The following PPP2CA variants were observed in gnomAD, a reference collection of about 807,000 sequenced individuals.
PPP2CA encodes serine/threonine-protein phosphatase 2A catalytic subunit alpha isoform.
PPP2CA carries 5 observed loss-of-function variants against 38.8 expected under a neutral mutation model. The observed-to-expected ratio is 0.13, with a 90% CI of 0.07 to 0.27. PPP2CA has a LOEUF of 0.27. PPP2CA is among the 10% of genes least tolerant of loss of function. PPP2CA has a pLI of 1.00. For synonymous variants in PPP2CA, 152 were observed against 134.0 expected, an observed-to-expected ratio of 1.13 and a Z score of -0.93; for missense variants, 88 against 389.7, an observed-to-expected ratio of 0.23 and a Z score of 6.52.
At chr5:134,205,869 C>G (rs756246652) in intron 2 of PPP2CA, 53 bp downstream of exon 2, 36 of 1,492,886 alleles carry the variant, frequency 2.4e-5, no homozygotes, top group Middle Eastern at 1.8e-4. Context: ...AAAAAACTTT[C>G]AAGAGGACTG....
Position 134,225,651 on chromosome 5 carries a change from C to T in PPP2CA, c.102+109G>A, listed in dbSNP as rs916577342. ...AGGATGGGCGCCGGTCTCGGAGACT[C>T]GGGGGGCCCGGACCGGCGGCCTCCG... On this transcript the variant is annotated intron_variant, in intron 1 of 6. Coordinates refer to ENST00000481195, the MANE Select transcript of PPP2CA (RefSeq NM_002715.4). 6.9e-5 allele frequency: 66 copies of T among 960,444 alleles called. No individual in the cohort carries two copies. In the African/African-American group the frequency reaches 8.5e-4, roughly 12 times the overall value. The allele number at this position is 960,444 out of a possible 1,614,324, so 59.5% of individuals were successfully genotyped here. A position where few individuals can be genotyped will look rare whatever the true frequency, so the allele number is the denominator to read the frequency against.
chr5:134,194,931 A>G lies in PPP2CA; in HGVS notation c.*2841T>C, dbSNP rs1761816514. The stretch of plus-strand genomic sequence containing the variant: ...CTGTTTTTAACCCTAGATGTAAATT[A>G]GAATCACTTGGGAAACTTAAAAAAT... On this transcript the variant is annotated 3_prime_UTR_variant, in exon 7 of 7. Transcript: ENST00000481195. 1 of 152,130 alleles carries G rather than the reference A, an allele frequency of 6.6e-6. No homozygotes were observed. The highest frequency in any genetic ancestry group is 1.5e-5 in the Non-Finnish European group (1 of 68,040). 9.4% of individuals were successfully genotyped at this position (152,130 alleles called of 1,614,324 possible).
In PPP2CA at chr5:134,211,428, C is replaced by T. The variant is rs1456680258; in HGVS notation, c.103-5297G>A. Among the ~76,000 whole-genome samples, 3 of 151,746 alleles carry T rather than the reference C, an allele frequency of 2.0e-5. No homozygotes were observed. In the East Asian group the frequency reaches 5.8e-4, roughly 29 times the overall value. On this transcript the variant is annotated intron_variant, in intron 1 of 6. Coordinates refer to ENST00000481195, the MANE Select transcript of PPP2CA (RefSeq NM_002715.4). ...AACATGAAATTACAAACAAAGCAGG[C>T]TTAAACTAAAGCTCATAAATCATCC...
Position 134,197,694 on chromosome 5 carries a change from T to C in PPP2CA, c.*78A>G, listed in dbSNP as rs925735162. On this transcript the variant is annotated 3_prime_UTR_variant, in exon 7 of 7. Coordinates refer to ENST00000481195, the MANE Select transcript of PPP2CA (RefSeq NM_002715.4). ...GAATGTTAACTATTTTCTGACACTT[T>C]GGAGTTACTGTTGCTCTTCCCATTT... is the stretch of plus-strand genomic sequence containing the variant. 5 of 1,151,256 alleles carry C rather than the reference T, an allele frequency of 4.3e-6. No individual in the cohort carries two copies. Among genetic ancestry groups the C allele is most frequent in the Non-Finnish European group, 6.5e-6 (5 of 769,586 alleles). The allele number at this position is 1,151,256 out of a possible 1,614,324, so 71.3% of individuals were successfully genotyped here. A position where few individuals can be genotyped will look rare whatever the true frequency, so the allele number is the denominator to read the frequency against.
intron 3 of PPP2CA, 119 bp downstream of exon 3, chr5:134,201,729 A>G: frequency 9.1e-7 from 1 of 1,104,740 alleles, no homozygotes; most frequent in African/African-American, 1.6e-5. Context: ...GAATGCTATC[A>G]ATATCTATTA....
rs1200111641 is a variant in PPP2CA, at chr5:134,200,967, A to G, written c.576+18T>C. 3 of 1,565,138 alleles carry G rather than the reference A, an allele frequency of 1.9e-6. No homozygotes were observed. The highest frequency in any genetic ancestry group is 2.2e-5 in the South Asian group (2 of 89,830). ...CTAATAAGTTTTCTGAAAGAATTTT[A>G]TCAAATAAAAGTCATACCTCATGGG... On this transcript the variant is annotated intron_variant, in intron 4 of 6. Coordinates refer to ENST00000481195, the MANE Select transcript of PPP2CA (RefSeq NM_002715.4).
Position 134,194,958 on chromosome 5 carries a change from T to C in PPP2CA, c.*2814A>G, listed in dbSNP as rs1761817563. ...AATCACTTGGGAAACTTAAAAAATG[T>C]ATGCCTGGGCCCTCCTCCAGCAATT... is the stretch of plus-strand genomic sequence containing the variant. On this transcript the variant is annotated 3_prime_UTR_variant, in exon 7 of 7. Transcript: ENST00000481195. 1 of 152,160 alleles carries C rather than the reference T, an allele frequency of 6.6e-6. No individual in the cohort carries two copies. The highest frequency in any genetic ancestry group is 2.1e-4 in the South Asian group (1 of 4,832). The allele number at this position is 152,160 out of a possible 1,614,324, so 9.4% of individuals were successfully genotyped here.
intron 1 of PPP2CA, chr5:134,225,539 T>G (rs1313629558): frequency 1.0e-5 from 5 of 483,280 alleles, no homozygotes; most frequent in Non-Finnish European, 1.5e-5. Context: ...AGGAGTCGAG[T>G]GAACGGCGCC....
intron 1 of PPP2CA, among the ~76,000 whole-genome samples, chr5:134,210,250 CAA>C (rs1561739207): frequency 6.6e-6 from 1 of 152,142 alleles, no homozygotes; most frequent in Non-Finnish European, 1.5e-5. Context: ...CCATCATTTT[CAA>C]AGATGGTTAT....
chr5:134,201,789 G>A (rs1233362884), intron 3 of PPP2CA, 59 bp downstream of exon 3: 19 of 1,547,268 alleles, frequency 1.2e-5, no homozygotes, highest in Non-Finnish European at 1.4e-5. Context: ...ATAAGCACCT[G>A]AACACTAAAG....
chr5:134,217,004 G>A (rs532306638), intron 1 of PPP2CA, among the ~76,000 whole-genome samples: 30 of 152,276 alleles, frequency 2.0e-4, no homozygotes, highest in Non-Finnish European at 4.1e-4. Flanking sequence ...ATTATTGGCC[G>A]GGCGAAGTGG....
At chr5:134,224,514 T>C (rs982323150) in intron 1 of PPP2CA, 1 of 339,252 alleles carries the variant, frequency 2.9e-6, no homozygotes, top group East Asian at 7.8e-5. Context: ...AGGATAATAG[T>C]TCTCCATTAA....
rs1761817327 is a variant in PPP2CA, at chr5:134,194,948, T to C, written c.*2824A>G. 1 of 152,086 alleles carries C rather than the reference T, an allele frequency of 6.6e-6. No individual in the cohort carries two copies. Among genetic ancestry groups the C allele is most frequent in the African/African-American group, 2.4e-5 (1 of 41,402 alleles). The allele number at this position is 152,086 out of a possible 1,614,324, so 9.4% of individuals were successfully genotyped here. A position where few individuals can be genotyped will look rare whatever the true frequency, so the allele number is the denominator to read the frequency against. On this transcript the variant is annotated 3_prime_UTR_variant, in exon 7 of 7. Coordinates refer to ENST00000481195, the MANE Select transcript of PPP2CA (RefSeq NM_002715.4). ...TGTAAATTAGAATCACTTGGGAAAC[T>C]TAAAAAATGTATGCCTGGGCCCTCC...
At position 134,220,571 on chromosome 5, in the gene PPP2CA, G is replaced by C. The variant is rs1157378307; in HGVS notation, c.102+5189C>G. On this transcript the variant is annotated intron_variant, in intron 1 of 6. Transcript: ENST00000481195. Reference sequence around the variant, plus strand: ...GGAGGTTGACAGCTTTCTCAGGCAAGGATGATAATGAAGTAAGAGAAATGG... The same window carrying C: ...GGAGGTTGACAGCTTTCTCAGGCAACGATGATAATGAAGTAAGAGAAATGG... Among the ~76,000 whole-genome samples, 2 of 151,542 alleles carry C rather than the reference G, an allele frequency of 1.3e-5. 1 individual carries two copies.
rs201998249 is a variant in PPP2CA at position 134,199,106 on chromosome 5, G to A, written c.837C>T (p.Asp279=). ...CTTACAAAGAGTATTTTAGAGTATC[G>A]TCAAGTTCCATGATTGCAGCTTGGT... ...CGNQAAIMEL[D]DTLKYSFLQF... is the part of the protein sequence containing the mutation. The change falls in exon 6 of 7, where the codon GAC becomes GAT. Residue 279 remains aspartate (D), a synonymous_variant. Transcript: ENST00000481195. 982 of 1,610,922 alleles carry A rather than the reference G, an allele frequency of 6.1e-4. 13 individuals are homozygous for A. In the South Asian group the frequency reaches 7.4e-3, roughly 12 times the overall value.
intron 6 of PPP2CA, among the ~76,000 whole-genome samples, chr5:134,198,074 C>T (rs1014835636): frequency 1.3e-5 from 2 of 151,970 alleles, no homozygotes; most frequent in Non-Finnish European, 2.9e-5. Context: ...TTTACCTTGA[C>T]TGAAATTTCA....
chr5:134,212,155 G>A (rs1762218579), intron 1 of PPP2CA, among the ~76,000 whole-genome samples: 1 of 152,086 alleles, frequency 6.6e-6, no homozygotes, highest in South Asian at 2.1e-4. Flanking sequence ...AATAACTACA[G>A]GCATGCCTCA....
intron 1 of PPP2CA, among the ~76,000 whole-genome samples, chr5:134,220,821 T>C (rs1460019313): frequency 6.6e-6 from 1 of 152,212 alleles, no homozygotes; most frequent in East Asian, 1.9e-4. Flanking sequence ...AGACTGGTAA[T>C]ACAAATGTTA....
At position 134,226,068 on chromosome 5, in the gene PPP2CA, C is replaced by G. The variant is rs868774383; in HGVS notation, c.-207G>C. The G allele has an allele frequency of 6.1e-6, 3 of 491,084 alleles. No homozygotes were observed. Among genetic ancestry groups the G allele is most frequent in the African/African-American group, 2.1e-5 (1 of 48,378 alleles). The allele number at this position is 491,084 out of a possible 1,614,324, so 30.4% of individuals were successfully genotyped here. On this transcript the variant is annotated 5_prime_UTR_variant, in exon 1 of 7. Transcript: ENST00000481195. ...CTCGCTGAGGCTCCAGAGCTCGGCT[C>G]TCTGTAATGGCGGCCGCCGGGCGTG...
Sources: gnomAD v4.1 joint callset for allele counts (sites outside exome capture counted in the v4.1 genomes callset) on GRCh38, gnomAD v4.1.1 for gene constraint, MANE v1.5 for transcripts, NCBI Gene and HGNC (gene_info 2026-07-23, HGNC 2026-07-21) for gene names.